Variants in TENM3 observed in about 807,000 individuals in gnomAD.
TENM3 encodes the protein teneurin transmembrane protein 3.
In TENM3, 63 loss-of-function variants were observed where a neutral mutation model predicts 255.1. The observed-to-expected ratio is 0.25, with a 90% CI of 0.20 to 0.30. TENM3 has a LOEUF of 0.30. Among genes scored for constraint, TENM3 ranks in the 10% least tolerant of loss-of-function variants. The pLI is 1.00. For synonymous variants in TENM3, 1,306 were observed against 1,322.3 expected, an observed-to-expected ratio of 0.99 and a Z score of 0.27; for missense variants, 2,929 against 3,461.1, an observed-to-expected ratio of 0.85 and a Z score of 3.86.
chr4:181,954,966 GC>G, the TENM3 span, among the ~76,000 whole-genome samples: 1 of 152,138 alleles, frequency 6.6e-6, no homozygotes, highest in Non-Finnish European at 1.5e-5. Context: ...TACCAAAAGA[GC>G]ATCCTTCTCC....
chr4:182,017,792 C>A, the TENM3 span, among the ~76,000 whole-genome samples: 2 of 152,166 alleles, frequency 1.3e-5, no homozygotes, highest in South Asian at 4.1e-4. Flanking sequence ...AGCACCTGAA[C>A]TGGAACTTCC....
At chr4:181,917,016 C>T in the TENM3 span, among the ~76,000 whole-genome samples, 1 of 152,024 alleles carries the variant, frequency 6.6e-6, no homozygotes, top group East Asian at 1.9e-4. Context: ...TAAAGAAATC[C>T]TTTCTCAGGT....
At chr4:181,880,035 C>T in the TENM3 span, among the ~76,000 whole-genome samples, 1 of 152,028 alleles carries the variant, frequency 6.6e-6, no homozygotes, top group East Asian at 1.9e-4. Context: ...TTGCATTGCC[C>T]TTCCTGTTCT....
At chr4:182,411,192 C>A (rs980992128) in intron 3 of TENM3, among the ~76,000 whole-genome samples, 1 of 152,172 alleles carries the variant, frequency 6.6e-6, no homozygotes, top group African/African-American at 2.4e-5. Context: ...CCCGGTGATG[C>A]CCTGTCAGTC....
Position 182,767,451 on chromosome 4 carries a change from C to T in TENM3, c.4893-6021C>T, listed in dbSNP as rs114997140. On this transcript the variant is annotated intron_variant, in intron 22 of 27. Transcript: ENST00000511685. Reference sequence around the variant, plus strand: ...CAATGTGGGAAAAGTCTTGCGGTAACCGGTGACAAGATGGAGGGGATTGTT... The same window carrying T: ...CAATGTGGGAAAAGTCTTGCGGTAATCGGTGACAAGATGGAGGGGATTGTT... Among the ~76,000 whole-genome samples the T allele has an allele frequency of 5.9e-3, 901 of 152,180 alleles. 6 individuals are homozygous for T. The highest frequency in any genetic ancestry group is 0.01 in the Non-Finnish European group (686 of 68,002).
At chr4:181,736,642 A>G in the TENM3 span, among the ~76,000 whole-genome samples, 1 of 151,922 alleles carries the variant, frequency 6.6e-6, no homozygotes. Flanking sequence ...ATGTGAGCGT[A>G]TACACCCAAA....
At chr4:181,917,252 T>G in the TENM3 span, among the ~76,000 whole-genome samples, 1 of 152,172 alleles carries the variant, frequency 6.6e-6, no homozygotes, top group Non-Finnish European at 1.5e-5. Flanking sequence ...TATTATAGTA[T>G]ACATTCAAAG....
the TENM3 span, among the ~76,000 whole-genome samples, chr4:181,945,504 G>A: frequency 3.3e-5 from 5 of 151,998 alleles, no homozygotes; most frequent in African/African-American, 1.2e-4. Context: ...AGCCCCTGCT[G>A]TCCTCAATTT....
chr4:181,584,824 T>G, the TENM3 span, among the ~76,000 whole-genome samples: 1 of 152,106 alleles, frequency 6.6e-6, no homozygotes, highest in African/African-American at 2.4e-5. Context: ...TAATGAACAT[T>G]TTTCCTTTGG....
At chr4:182,755,470 A>C (rs1355343347) in intron 22 of TENM3, 6 of 523,392 alleles carry the variant, frequency 1.1e-5, no homozygotes, top group Non-Finnish European at 2.0e-5. Context: ...TGAGCCCAGG[A>C]CTTCGAGGCC....
chr4:182,387,813 G>A lies in TENM3; in HGVS notation c.511+40884G>A, dbSNP rs1307944304. Among the ~76,000 whole-genome samples, 5 of 151,740 alleles carry A rather than the reference G, an allele frequency of 3.3e-5. No individual in the cohort carries two copies. The East Asian group carries it at 7.8e-4, about 24-fold the overall frequency. ...ACATCAGAAGGGACAGACTCCAGACGCGCCACCTTAAGAGCTGTAACACTC... is the reference window on the plus strand; with the variant it reads ...ACATCAGAAGGGACAGACTCCAGACACGCCACCTTAAGAGCTGTAACACTC... On this transcript the variant is annotated intron_variant, in intron 3 of 27. Coordinates refer to ENST00000511685, the MANE Select transcript of TENM3 (RefSeq NM_001080477.4).
chr4:181,945,287 C>T, the TENM3 span, among the ~76,000 whole-genome samples: 1 of 151,920 alleles, frequency 6.6e-6, no homozygotes, highest in Non-Finnish European at 1.5e-5. Context: ...GGTAAAACTG[C>T]CTGAGAATCA....
chr4:181,471,489 G>A, the TENM3 span, among the ~76,000 whole-genome samples: 6 of 152,146 alleles, frequency 3.9e-5, no homozygotes, highest in African/African-American at 1.4e-4. Context: ...GCTGTGCTGG[G>A]TATTTAAATG....
chr4:181,567,102 T>C, the TENM3 span, among the ~76,000 whole-genome samples: 2 of 152,174 alleles, frequency 1.3e-5, no homozygotes, highest in Admixed American at 6.5e-5. Flanking sequence ...TTAGACACCA[T>C]ACTCTGATCA....
chr4:181,664,286 A>G, the TENM3 span, among the ~76,000 whole-genome samples: 1 of 152,042 alleles, frequency 6.6e-6, no homozygotes, highest in African/African-American at 2.4e-5. Context: ...CCTGGTCAAC[A>G]TGGTGAAACC....
At chr4:182,104,847 T>G in the TENM3 span, among the ~76,000 whole-genome samples, 1 of 152,064 alleles carries the variant, frequency 6.6e-6, no homozygotes, top group African/African-American at 2.4e-5. Flanking sequence ...TAGGTCAGGT[T>G]ATTTTCTCCT....
chr4:182,784,383 G>C (rs1304979378), intron 24 of TENM3, among the ~76,000 whole-genome samples: 6 of 151,868 alleles, frequency 4.0e-5, no homozygotes, highest in Admixed American at 2.6e-4. Flanking sequence ...AGGGGTCAGG[G>C]ACCCACTTGA....
chr4:182,625,821 C>T (rs1200306717), intron 4 of TENM3, among the ~76,000 whole-genome samples: 1 of 152,140 alleles, frequency 6.6e-6, no homozygotes, highest in African/African-American at 2.4e-5. Context: ...TAGGCTGTTT[C>T]TACGGGCTGC....
In TENM3 at chr4:182,802,507, G is replaced by A. The variant is rs980657460; in HGVS notation, c.*2156G>A. 2.0e-5 allele frequency: 3 copies of A among 152,600 alleles called. No individual in the cohort carries two copies. Among genetic ancestry groups the A allele is most frequent in the African/African-American group, 7.2e-5 (3 of 41,424 alleles). The allele number at this position is 152,600 out of a possible 1,614,324, so 9.5% of individuals were successfully genotyped here. The stretch of plus-strand genomic sequence containing the variant: ...CTAAATTCTCAGACATGTTTCTGAT[G>A]TATTACCATGAAAAGCTTGTGCCAC... On this transcript the variant is annotated 3_prime_UTR_variant, in exon 28 of 28. Transcript: ENST00000511685.
Sources: allele counts gnomAD v4.1 joint callset (sites outside exome capture counted in the v4.1 genomes callset), GRCh38; gene constraint gnomAD v4.1.1; transcripts MANE v1.5; gene names NCBI Gene and HGNC (gene_info 2026-07-23, HGNC 2026-07-21).